Variants in PTPRT observed in about 807,000 individuals in gnomAD.
PTPRT encodes protein tyrosine phosphatase receptor type T, also known as receptor-type tyrosine-protein phosphatase T.
A neutral mutation model predicts 176.8 loss-of-function variants in PTPRT; 56 were observed. That is an observed-to-expected ratio of 0.32 (90% confidence interval 0.26 to 0.40). PTPRT has a LOEUF of 0.40. Among genes scored for constraint, PTPRT ranks in the 10% least tolerant of loss-of-function variants. The pLI is 1.00. For synonymous variants in PTPRT, 783 were observed against 739.0 expected (o/e 1.06, Z -0.96); for missense variants, 1,540 against 1,908.2 (o/e 0.81, Z 3.60).
intron 1 of PTPRT, among the ~76,000 whole-genome samples, chr20:42,977,726 A>C (rs1042597857): frequency 2.0e-5 from 3 of 152,226 alleles, no homozygotes; most frequent in Admixed American, 6.5e-5. Context: ...CATTTTTTAC[A>C]TCTGCAGATA....
At chr20:42,259,417 T>C (rs1427351007) in intron 13 of PTPRT, among the ~76,000 whole-genome samples, 1 of 152,234 alleles carries the variant, frequency 6.6e-6, no homozygotes, top group African/African-American at 2.4e-5. Flanking sequence ...ACACCCCTTC[T>C]ATGGCATATC....
At chr20:42,142,349 A>G (rs779458073) in intron 17 of PTPRT, among the ~76,000 whole-genome samples, 19 of 152,354 alleles carry the variant, frequency 1.2e-4, no homozygotes, top group Admixed American at 7.2e-4. Context: ...AGGGATATAG[A>G]GAAACAGACA....
intron 1 of PTPRT, among the ~76,000 whole-genome samples, chr20:42,938,179 A>G (rs1245475339): frequency 6.6e-6 from 1 of 152,194 alleles, no homozygotes; most frequent in Non-Finnish European, 1.5e-5. Context: ...TGGATGTAAA[A>G]TTTTTTGAGG....
chr20:42,600,590 T>C (rs2073762298), intron 7 of PTPRT, among the ~76,000 whole-genome samples: 1 of 152,196 alleles, frequency 6.6e-6, no homozygotes, highest in East Asian at 1.9e-4. Context: ...CGATAGGTAG[T>C]ATTTCATCTC....
chr20:42,629,241 T>G (rs974997019), intron 7 of PTPRT, among the ~76,000 whole-genome samples: 1 of 152,092 alleles, frequency 6.6e-6, no homozygotes, highest in Non-Finnish European at 1.5e-5. Context: ...TTGATGCATG[T>G]TTTGACTTTG....
intron 2 of PTPRT, among the ~76,000 whole-genome samples, chr20:42,838,028 T>C (rs1294888235): frequency 6.6e-6 from 1 of 152,102 alleles, no homozygotes; most frequent in Non-Finnish European, 1.5e-5. Flanking sequence ...TAAACTGTTT[T>C]GTTTGTTTGT....
intron 20 of PTPRT, 64 bp from the exon 21 acceptor site, chr20:42,118,564 G>T (rs937008643): frequency 4.8e-6 from 7 of 1,446,994 alleles, no homozygotes; most frequent in Non-Finnish European, 4.7e-6. Flanking sequence ...GAGAAGGTTT[G>T]TCCCCCCGGT....
intron 9 of PTPRT, 104 bp from the exon 10 acceptor site, chr20:42,352,389 C>T (rs2058298442): frequency 8.8e-7 from 1 of 1,139,178 alleles, no homozygotes. Context: ...AAGGGGCAGG[C>T]ATGTGAACTT....
At chr20:43,099,929 G>T (rs543395480) in intron 1 of PTPRT, among the ~76,000 whole-genome samples, 88 of 152,182 alleles carry the variant, frequency 5.8e-4, no homozygotes, top group African/African-American at 2.1e-3. Flanking sequence ...CTTGCCTTGG[G>T]AGCTCCCACA....
At chr20:42,311,692 C>G (rs2057632357) in intron 12 of PTPRT, among the ~76,000 whole-genome samples, 1 of 151,798 alleles carries the variant, frequency 6.6e-6, no homozygotes, top group African/African-American at 2.4e-5. Context: ...ACTTTTTTAC[C>G]CCCCCGTCAC....
intron 1 of PTPRT, among the ~76,000 whole-genome samples, chr20:42,953,084 G>A (rs1981358342): frequency 6.6e-6 from 1 of 152,196 alleles, no homozygotes. Context: ...CTGTGCCACT[G>A]CAGAATCTGC....
intron 5 of PTPRT, among the ~76,000 whole-genome samples, chr20:42,764,871 C>G (rs941573567): frequency 6.6e-6 from 1 of 152,164 alleles, no homozygotes; most frequent in African/African-American, 2.4e-5. Context: ...AGAAGGGATG[C>G]CTGGTTCAGA....
chr20:42,366,071 G>A (rs1234086055), intron 9 of PTPRT, among the ~76,000 whole-genome samples: 1 of 152,214 alleles, frequency 6.6e-6, no homozygotes, highest in Non-Finnish European at 1.5e-5. Context: ...CCCTCACAGG[G>A]TAACCAGGGG....
chr20:42,350,353 C>T (rs571272205), intron 11 of PTPRT, among the ~76,000 whole-genome samples: 104 of 151,408 alleles, frequency 6.9e-4, no homozygotes, highest in African/African-American at 2.3e-3. Context: ...ATCATCCTCT[C>T]GAGTAGCCGG....
intron 27 of PTPRT, among the ~76,000 whole-genome samples, chr20:42,090,655 C>G (rs1399021656): frequency 6.6e-6 from 1 of 152,124 alleles, no homozygotes; most frequent in Non-Finnish European, 1.5e-5. Flanking sequence ...AGTGGAGGAG[C>G]CAGACTTTTC....
At chr20:42,776,891 C>A (rs2077145153) in intron 4 of PTPRT, among the ~76,000 whole-genome samples, 1 of 149,944 alleles carries the variant, frequency 6.7e-6, no homozygotes, top group South Asian at 2.1e-4. Flanking sequence ...ATAATATAAT[C>A]ATATAATTAC....
At chr20:42,275,351 C>A (rs2057011332) in intron 13 of PTPRT, among the ~76,000 whole-genome samples, 1 of 152,236 alleles carries the variant, frequency 6.6e-6, no homozygotes, top group Non-Finnish European at 1.5e-5. Context: ...AAAGGCCCCC[C>A]TTTTCCTTTA....
At chr20:42,196,978 C>T (rs4525752) in intron 16 of PTPRT, among the ~76,000 whole-genome samples, 2,227 of 152,204 alleles carry the variant, frequency 0.015, 48 homozygotes, top group African/African-American at 0.052. Flanking sequence ...GTCATATCAG[C>T]TATGTCATAT....
At chr20:42,096,695 C>T (rs182043042) in intron 27 of PTPRT, among the ~76,000 whole-genome samples, 61 of 152,202 alleles carry the variant, frequency 4.0e-4, no homozygotes, top group African/African-American at 1.3e-3. Flanking sequence ...GCAATCCTCC[C>T]GCCTCAGCCT....
Sources: allele counts gnomAD v4.1 joint callset (sites outside exome capture counted in the v4.1 genomes callset), GRCh38; gene constraint gnomAD v4.1.1; transcripts MANE v1.5; gene names NCBI Gene and HGNC (gene_info 2026-07-23, HGNC 2026-07-21).